The following FARS2 variants were observed in gnomAD, a reference collection of about 807,000 sequenced individuals.
FARS2 encodes the protein phenylalanine--tRNA ligase, mitochondrial.
In FARS2, 40 loss-of-function variants were observed where a neutral mutation model predicts 46.4. The ratio of observed to expected loss-of-function variants is 0.86; its 90% CI spans 0.67 to 1.12. FARS2 has a LOEUF of 1.12. Among genes scored for constraint, FARS2 ranks in the 50% most tolerant of loss-of-function variants. The pLI is 0.00. For synonymous variants in FARS2, 234 were observed against 214.9 expected, an observed-to-expected ratio of 1.09 and a Z score of -0.78; for missense variants, 513 against 567.9, an observed-to-expected ratio of 0.90 and a Z score of 0.98.
At chr6:5,306,638 A>G (rs112225926) in intron 1 of FARS2, among the ~76,000 whole-genome samples, 3 of 152,314 alleles carry the variant, frequency 2.0e-5, no homozygotes, top group African/African-American at 7.2e-5. Flanking sequence ...GCCCCTTCAC[A>G]TTCCCAGTGT....
chr6:5,474,557 T>C (rs1021983712), intron 4 of FARS2, among the ~76,000 whole-genome samples: 1 of 152,150 alleles, frequency 6.6e-6, no homozygotes, highest in African/African-American at 2.4e-5. Flanking sequence ...GCTACAAACA[T>C]GTACAGCACT....
At chr6:5,472,398 G>A (rs531188750) in intron 4 of FARS2, among the ~76,000 whole-genome samples, 1 of 152,290 alleles carries the variant, frequency 6.6e-6, no homozygotes, top group Admixed American at 6.5e-5. Context: ...CCACCAAGGA[G>A]GGTGCCCTAG....
chr6:5,660,369 C>T (rs931549102), intron 6 of FARS2, among the ~76,000 whole-genome samples: 44 of 152,092 alleles, frequency 2.9e-4, no homozygotes, highest in African/African-American at 7.7e-4. Context: ...GCAGGCTGGG[C>T]GCCATGGCTC....
intron 6 of FARS2, among the ~76,000 whole-genome samples, chr6:5,719,979 G>A (rs1759784033): frequency 6.6e-6 from 1 of 152,116 alleles, no homozygotes; most frequent in South Asian, 2.1e-4. Context: ...CTTCCAGAAG[G>A]ACACTTGAGA....
chr6:5,686,122 T>C (rs1280995342), intron 6 of FARS2, among the ~76,000 whole-genome samples: 2 of 152,196 alleles, frequency 1.3e-5, no homozygotes, highest in Non-Finnish European at 1.5e-5. Context: ...GCCTGGGCCA[T>C]AGTGAGTGCT....
intron 6 of FARS2, among the ~76,000 whole-genome samples, chr6:5,616,997 A>G (rs1775510268): frequency 1.3e-5 from 2 of 152,012 alleles, no homozygotes; most frequent in Admixed American, 1.3e-4. Context: ...TCTTTTTGAT[A>G]ATTTGGTAGT....
rs1188821821 is a variant in FARS2, at chr6:5,307,492, C to A, written c.-22+45832C>A. 2.0e-5 allele frequency among the ~76,000 whole-genome samples: 3 copies of A among 152,150 alleles called. No individual in the cohort carries two copies. In the East Asian group the frequency reaches 5.8e-4, roughly 29 times the overall value. Reference sequence around the variant, plus strand: ...GGCATTTTGATATTTTACACACACGCGTGCACACACACATGCACAATTTCC... The same window carrying A: ...GGCATTTTGATATTTTACACACACGAGTGCACACACACATGCACAATTTCC... On this transcript the variant is annotated intron_variant, in intron 1 of 6. Coordinates refer to ENST00000274680, the MANE Select transcript of FARS2 (RefSeq NM_006567.5).
chr6:5,284,046 C>A (rs1766943985), intron 1 of FARS2, among the ~76,000 whole-genome samples: 1 of 152,156 alleles, frequency 6.6e-6, no homozygotes, highest in Non-Finnish European at 1.5e-5. Context: ...TTTCTTAGAC[C>A]CTTACTGATA....
At chr6:5,449,092 T>C (rs1275604136) in intron 4 of FARS2, among the ~76,000 whole-genome samples, 1 of 152,198 alleles carries the variant, frequency 6.6e-6, no homozygotes, top group Non-Finnish European at 1.5e-5. Flanking sequence ...CTCACGCCTG[T>C]AATCCTAGCA....
chr6:5,441,186 T>C (rs1391306280), intron 4 of FARS2, among the ~76,000 whole-genome samples: 2 of 152,222 alleles, frequency 1.3e-5, no homozygotes, highest in Non-Finnish European at 2.9e-5. Context: ...CCTCCCAAAG[T>C]GTTGGGATTA....
chr6:5,475,366 G>A (rs188875056), intron 4 of FARS2, among the ~76,000 whole-genome samples: 5 of 152,348 alleles, frequency 3.3e-5, no homozygotes, highest in Admixed American at 2.0e-4. Flanking sequence ...AATGTATGAT[G>A]TAGAAAGAGC....
Position 5,717,913 on chromosome 6 carries a change from T to C in FARS2, c.1218-53378T>C, listed in dbSNP as rs1298336068. Among the ~76,000 whole-genome samples, 14 of 39,494 alleles carry C rather than the reference T, an allele frequency of 3.5e-4. 1 individual carries two copies. Among genetic ancestry groups the C allele is most frequent in the Non-Finnish European group, 5.5e-4 (10 of 18,286 alleles). The allele number at this position is 39,494 out of a possible 152,430, so 25.9% of individuals were successfully genotyped here. A position where few individuals can be genotyped will look rare whatever the true frequency, so the allele number is the denominator to read the frequency against. On this transcript the variant is annotated intron_variant, in intron 6 of 6. Transcript: ENST00000274680. Reference sequence around the variant, plus strand: ...TGAAAATGAGAAGGTATCAGCTATATATATATATATATATATATATATACA... The same window carrying C: ...TGAAAATGAGAAGGTATCAGCTATACATATATATATATATATATATATACA...
At chr6:5,494,742 T>C (rs1050354092) in intron 4 of FARS2, among the ~76,000 whole-genome samples, 1 of 152,178 alleles carries the variant, frequency 6.6e-6, no homozygotes, top group Non-Finnish European at 1.5e-5. Flanking sequence ...GTTCACATGT[T>C]TGAGGAACGA....
intron 1 of FARS2, among the ~76,000 whole-genome samples, chr6:5,313,809 A>G (rs887363477): frequency 3.3e-5 from 5 of 152,128 alleles, no homozygotes; most frequent in South Asian, 2.1e-4. Flanking sequence ...TTGCTGCACA[A>G]TGGAGTCACC....
At chr6:5,520,548 G>A (rs1454166834) in intron 4 of FARS2, among the ~76,000 whole-genome samples, 1 of 152,218 alleles carries the variant, frequency 6.6e-6, no homozygotes, top group Non-Finnish European at 1.5e-5. Flanking sequence ...CACATCACCA[G>A]CTTAAGAAAG....
chr6:5,414,592 A>C (rs1762112661), intron 3 of FARS2, among the ~76,000 whole-genome samples: 2 of 152,144 alleles, frequency 1.3e-5, no homozygotes, highest in Non-Finnish European at 2.9e-5. Flanking sequence ...TCAATACTTC[A>C]TTCCTTTTTG....
At chr6:5,467,821 C>A (rs1014832018) in intron 4 of FARS2, among the ~76,000 whole-genome samples, 1 of 152,064 alleles carries the variant, frequency 6.6e-6, no homozygotes, top group Non-Finnish European at 1.5e-5. Context: ...TTTTATGGTT[C>A]TATGATTCTA....
chr6:5,327,314 GA>G (rs1368428715), intron 1 of FARS2, among the ~76,000 whole-genome samples: 1 of 152,138 alleles, frequency 6.6e-6, no homozygotes, highest in Non-Finnish European at 1.5e-5. Context: ...AAACATCTAG[GA>G]AAGGCTATAC....
intron 6 of FARS2, chr6:5,695,009 C>G (rs1444598902): frequency 6.6e-6 from 1 of 152,096 alleles, no homozygotes; most frequent in Non-Finnish European, 1.5e-5. Context: ...GACCCCATCT[C>G]TAAAAGAAAA....
Sources: gnomAD v4.1 joint callset for allele counts (sites outside exome capture counted in the v4.1 genomes callset) on GRCh38, gnomAD v4.1.1 for gene constraint, MANE v1.5 for transcripts, NCBI Gene and HGNC (gene_info 2026-07-23, HGNC 2026-07-21) for gene names.